CA11: variants seen among roughly 807,000 people sequenced by gnomAD.
CA11 encodes carbonic anhydrase-related protein 11.
A neutral mutation model predicts 39.3 loss-of-function variants in CA11; 20 were observed. The ratio of observed to expected loss-of-function variants is 0.51; its 90% CI spans 0.36 to 0.74. CA11 has a LOEUF of 0.74. CA11 is among the 30% of genes least tolerant of loss of function. The pLI is 0.00. For missense variants in CA11, 336 were observed against 424.6 expected (o/e 0.79, Z 1.83); for synonymous variants, 166 against 172.5 (o/e 0.96, Z 0.29).
intron 8 of CA11, 22 bp from the exon 9 acceptor site, chr19:48,638,166 C>G (rs1162926305): frequency 7.7e-7 from 1 of 1,300,938 alleles, no homozygotes; most frequent in South Asian, 2.2e-5. Context: ...AGAACAACGG[C>G]AGGGGGCGTC....
intron 8 of CA11, 63 bp from the exon 9 acceptor site, chr19:48,638,207 AG>A: frequency 2.2e-6 from 2 of 903,658 alleles, no homozygotes; most frequent in East Asian, 4.7e-5. Context: ...GGGGGTGTGC[AG>A]GGGGCGTGGG....
Position 48,645,892 on chromosome 19 carries a change from C to T in CA11, c.-260G>A, listed in dbSNP as rs2031235763. 3.9e-6 allele frequency: 2 copies of T among 508,834 alleles called. No individual in the cohort carries two copies. Among genetic ancestry groups the T allele is most frequent in the Admixed American group, 7.7e-5 (2 of 25,988 alleles). 31.5% of individuals were successfully genotyped at this position (508,834 alleles called of 1,614,324 possible). ...CCGGAACCCTCCAGTCTCCCTCTAG[C>T]TCCTGATCTTCCTACTCCTCTCAGC... On this transcript the variant is annotated 5_prime_UTR_variant, in exon 1 of 9. Coordinates refer to ENST00000084798, the MANE Select transcript of CA11 (RefSeq NM_001217.5).
chr19:48,644,401 A>G (rs750244416), intron 3 of CA11, 26 bp downstream of exon 3: 6 of 1,544,766 alleles, frequency 3.9e-6, no homozygotes, highest in Non-Finnish European at 5.3e-6. Flanking sequence ...AGTGGGTTCA[A>G]TAGCTCCTCC....
At chr19:48,640,740 G>C (rs1251286952) in intron 3 of CA11, among the ~76,000 whole-genome samples, 1 of 142,004 alleles carries the variant, frequency 7.0e-6, no homozygotes, top group Non-Finnish European at 1.5e-5. Context: ...AGTGGCGAGA[G>C]CTCCGCTCAC....
At position 48,640,162 on chromosome 19, in the gene CA11, A is replaced by G; in HGVS notation, c.404T>C (p.Leu135Pro). Residue 135 changes from leucine to proline, a missense_variant, in exon 4 of 9, where the codon CTG (leucine) becomes CCG (proline). By Grantham distance (98) the Leu-to-Pro change is moderately conservative. Coordinates refer to ENST00000084798, the MANE Select transcript of CA11 (RefSeq NM_001217.5). ...LYSHRLSELR[L>P]LFGARDGAGS... ...GGCTCCGTCGCGAGCTCCAAACAGC[A>G]GCCGCAGTTCACTGAGTCGGTGGCT... The G allele has an allele frequency of 6.2e-7, 1 of 1,614,074 alleles. No individual in the cohort carries two copies. The highest frequency in any genetic ancestry group is 8.5e-7 in the Non-Finnish European group (1 of 1,179,996).
chr19:48,642,447 T>C (rs903491613), intron 3 of CA11, among the ~76,000 whole-genome samples: 2 of 152,216 alleles, frequency 1.3e-5, no homozygotes. Flanking sequence ...TGCAGTGATC[T>C]GAGATCATTC....
In CA11 at chr19:48,643,318, T is replaced by C. The variant is rs2031146430; in HGVS notation, c.285+1109A>G. Among the ~76,000 whole-genome samples, 1 of 152,220 alleles carries C rather than the reference T, an allele frequency of 6.6e-6. No individual in the cohort carries two copies. Among genetic ancestry groups the C allele is most frequent in the South Asian group, 2.1e-4 (1 of 4,830 alleles). ...TCCGCCTCCCGGGTTCAAGCAATTC[T>C]CCTGCCTCAGCCTCTCAAGTAGCTG... On this transcript the variant is annotated intron_variant, in intron 3 of 8. Coordinates refer to ENST00000084798, the MANE Select transcript of CA11 (RefSeq NM_001217.5). The surrounding 1 kb of genome is among the most constrained non-coding windows in gnomAD (Gnocchi z 4.3).
chr19:48,645,433 T>C lies in CA11; in HGVS notation c.112A>G (p.Lys38Glu). The change falls in exon 2 of 9, where the codon AAG (lysine) becomes GAG (glutamate). Residue 38 changes from lysine to glutamate, a missense_variant. Lys to Glu is a moderately conservative substitution (Grantham distance 56). Transcript: ENST00000084798. The part of the protein sequence containing the change: ...APDPEDWWSY[K>E]DNLQGNFVPG... ...ACGAAGTTTCCCTGGAGATTATCCT[T>C]GTAGCTCCACCAGTCCTCGGGGTCA... The C allele has an allele frequency of 6.3e-7, 1 of 1,599,950 alleles. No homozygotes were observed.
At chr19:48,639,231 G>A in intron 7 of CA11, 74 bp downstream of exon 7, 2 of 1,576,538 alleles carry the variant, frequency 1.3e-6, no homozygotes. Flanking sequence ...AGGGAGGGCA[G>A]GTGAGCAAGG....
Position 48,638,907 on chromosome 19 carries a change from G to A in CA11, c.942C>T (p.Gly314=). ...DPRHPERRCR[G]PNYRLHVDGV... The stretch of plus-strand genomic sequence containing the variant: ...CCATACCATGCAGGCGGTAGTTGGG[G>A]CCTCGGCAGCGCCTCTCGGGGTGCC... The change falls in exon 8 of 9, where the codon GGC becomes GGT. Residue 314 remains glycine, a synonymous_variant. Transcript: ENST00000084798. 1 of 1,598,148 alleles carries A rather than the reference G, an allele frequency of 6.3e-7. No individual in the cohort carries two copies. Among genetic ancestry groups the A allele is most frequent in the Non-Finnish European group, 8.5e-7 (1 of 1,173,704 alleles).
intron 5 of CA11, 54 bp from the exon 6 acceptor site, chr19:48,639,675 CCTT>C (rs2031003147): frequency 6.2e-7 from 1 of 1,601,560 alleles, no homozygotes; most frequent in Admixed American, 1.7e-5. Context: ...AAGCCCTCAA[CCTT>C]CTCCTCCCCC....
Position 48,645,568 on chromosome 19 carries a change from G to T in CA11, c.65C>A (p.Ala22Glu). Residue 22 changes from alanine to glutamate, a missense_variant and splice_region_variant, in exon 1 of 9, where the codon GCA becomes GAA. Coordinates refer to ENST00000084798, the MANE Select transcript of CA11 (RefSeq NM_001217.5). ...CTCCCGGGAACCCCAGGTCTTACCTGCTGCCCCCAGTGCAGCCCAGAGTAC... is the reference window on the plus strand; with the variant it reads ...CTCCCGGGAACCCCAGGTCTTACCTTCTGCCCCCAGTGCAGCCCAGAGTAC... ...ALVLWAALGA[A>E]AHIGPAPDPE... 1 of 1,603,882 alleles carries T rather than the reference G, an allele frequency of 6.2e-7. No homozygotes were observed. The highest frequency in any genetic ancestry group is 8.5e-7 in the Non-Finnish European group (1 of 1,175,352).
chr19:48,639,518 G>T, intron 6 of CA11, 31 bp downstream of exon 6: 1 of 1,613,850 alleles, frequency 6.2e-7, no homozygotes, highest in South Asian at 1.1e-5. Context: ...CCTCGTGTGT[G>T]ACCACTGCCC....
chr19:48,638,195 C>T, intron 8 of CA11, 51 bp from the exon 9 acceptor site: 4 of 697,838 alleles, frequency 5.7e-6, no homozygotes, highest in Non-Finnish European at 7.2e-6. Context: ...ATGGAAGGGG[C>T]GGGGGGTGTG....
chr19:48,638,403 G>A (rs2030927377), intron 8 of CA11: 2 of 832,336 alleles, frequency 2.4e-6, no homozygotes, highest in African/African-American at 3.9e-5. Context: ...ACTGTACCAT[G>A]TTGCGAAGCC....
rs1247005831 is a variant in CA11 at position 48,643,071 on chromosome 19, T to G, written c.285+1356A>C. 6.6e-6 allele frequency among the ~76,000 whole-genome samples: 1 copy of G among 152,080 alleles called. No individual in the cohort carries two copies. The highest frequency in any genetic ancestry group is 6.5e-5 in the Admixed American group (1 of 15,272). On this transcript the variant is annotated intron_variant, in intron 3 of 8. Transcript: ENST00000084798. This position sits in a 1 kb window ranked among gnomAD's most constrained non-coding sequence, Gnocchi z 4.3. ...GTGAGACCCCACCTCTACAAAAAAC[T>G]TAAAAAGTTAGCCAAGCATACTGGC...
Position 48,643,465 on chromosome 19 carries a change from C to T in CA11, c.285+962G>A, listed in dbSNP as rs1458312087. On this transcript the variant is annotated intron_variant, in intron 3 of 8. Coordinates refer to ENST00000084798, the MANE Select transcript of CA11 (RefSeq NM_001217.5). This position sits in a 1 kb window ranked among gnomAD's most constrained non-coding sequence, Gnocchi z 4.3. ...CCTCGTGATCCACCCACCTCGGCCT[C>T]CCGAAGTGCTGGGGTTACAGGCATG... Among the ~76,000 whole-genome samples the T allele has an allele frequency of 6.6e-6, 1 of 152,138 alleles. No individual in the cohort carries two copies. The highest frequency in any genetic ancestry group is 2.4e-5 in the African/African-American group (1 of 41,426).
intron 3 of CA11, among the ~76,000 whole-genome samples, chr19:48,642,692 A>T (rs550158521): frequency 6.6e-6 from 1 of 152,148 alleles, no homozygotes; most frequent in African/African-American, 2.4e-5. Context: ...AGATTGCAGG[A>T]AGTTGAGAGG....
chr19:48,638,196 G>A (rs751355361), intron 8 of CA11, 52 bp from the exon 9 acceptor site: 1 of 1,177,244 alleles, frequency 8.5e-7, no homozygotes, highest in Non-Finnish European at 1.1e-6. Context: ...TGGAAGGGGC[G>A]GGGGGTGTGC....
Sources: allele counts gnomAD v4.1 joint callset (sites outside exome capture counted in the v4.1 genomes callset), GRCh38; gene constraint gnomAD v4.1.1; non-coding constraint Gnocchi (gnomAD v3.1); transcripts MANE v1.5; gene names NCBI Gene and HGNC (gene_info 2026-07-23, HGNC 2026-07-21).